The following HIP1R variants were observed in gnomAD, a reference collection of about 807,000 sequenced individuals.
HIP1R encodes the protein huntingtin interacting protein 1 related.
A neutral mutation model predicts 144.2 loss-of-function variants in HIP1R; 135 were observed. That is an observed-to-expected ratio of 0.94 (90% CI 0.81 to 1.08). HIP1R has a LOEUF of 1.08. Ranked by LOEUF, HIP1R falls within the 50% of genes least tolerant of loss-of-function variation. The pLI is 0.00. For missense variants in HIP1R, 1,462 were observed against 1,432.8 expected (o/e 1.02, Z -0.33); for synonymous variants, 698 against 612.8 (o/e 1.14, Z -2.05).
In HIP1R at chr12:122,862,842, A is replaced by C. The variant is rs976407907; in HGVS notation, c.*1089A>C. The C allele has an allele frequency of 6.6e-6, 1 of 152,108 alleles. No homozygotes were observed. The highest frequency in any genetic ancestry group is 6.5e-5 in the Admixed American group (1 of 15,274). 9.4% of individuals were successfully genotyped at this position (152,108 alleles called of 1,614,324 possible). A position where few individuals can be genotyped will look rare whatever the true frequency, so the allele number is the denominator to read the frequency against. ...ACCCTGTGCTCTGGAAAGGCTACCA[A>C]ATACTGGCCAAGGTCAGGAGGAGCA... On this transcript the variant is annotated 3_prime_UTR_variant, in exon 32 of 32. Coordinates refer to ENST00000253083, the MANE Select transcript of HIP1R (RefSeq NM_003959.3).
chr12:122,843,054 T>C (rs1282322985), intron 1 of HIP1R, among the ~76,000 whole-genome samples: 1 of 152,192 alleles, frequency 6.6e-6, no homozygotes, highest in Non-Finnish European at 1.5e-5. Context: ...AGGCCTTCGT[T>C]AACTTGAGAT....
intron 1 of HIP1R, among the ~76,000 whole-genome samples, chr12:122,839,974 G>T (rs1180860531): frequency 6.6e-6 from 1 of 152,250 alleles, no homozygotes; most frequent in African/African-American, 2.4e-5. Context: ...ACATTTACGT[G>T]TATAGGAGTG....
At chr12:122,860,353 C>A in intron 26 of HIP1R, 70 bp from the exon 27 acceptor site, 2 of 1,581,670 alleles carry the variant, frequency 1.3e-6, no homozygotes, top group South Asian at 1.1e-5. Context: ...GGAGAGGGCC[C>A]TTGAGGGCCA....
intron 24 of HIP1R, 66 bp from the exon 25 acceptor site, chr12:122,859,981 G>A: frequency 6.6e-7 from 1 of 1,507,976 alleles, no homozygotes; most frequent in Non-Finnish European, 8.9e-7. Flanking sequence ...ATGTGGCCAG[G>A]CCCGCCATGG....
chr12:122,858,474 TCCC>T, intron 20 of HIP1R, 39 bp downstream of exon 20: 1 of 1,507,402 alleles, frequency 6.6e-7, no homozygotes, highest in Non-Finnish European at 9.0e-7. Flanking sequence ...GGGGGCTGTG[TCCC>T]AGTTCCAGCG....
intron 1 of HIP1R, among the ~76,000 whole-genome samples, chr12:122,844,136 G>A (rs1007218310): frequency 6.6e-6 from 1 of 151,912 alleles, no homozygotes; most frequent in Non-Finnish European, 1.5e-5. Context: ...ACCACACCTG[G>A]CCTATTATTT....
In HIP1R at chr12:122,854,175, T is replaced by C. The variant is rs772489187; in HGVS notation, c.710T>C (p.Leu237Pro). Reference sequence around the variant, plus strand: ...TACACGGTCAAGCTCCTGTTCAAGCTACACTCTTGTGAGTGGCCCAGGGCA... The same window carrying C: ...TACACGGTCAAGCTCCTGTTCAAGCCACACTCTTGTGAGTGGCCCAGGGCA... ...YHYTVKLLFKLHSCLPADTLQ... is the reference protein window; with the variant it reads ...YHYTVKLLFKPHSCLPADTLQ... Residue 237 changes from leucine to proline, a missense_variant, in exon 8 of 32, where the codon CTA becomes CCA. Leu to Pro is a moderately conservative substitution (Grantham distance 98). This residue lies in a region of HIP1R where 350 missense variants were observed against 421.1 expected (regional missense o/e 0.83). Coordinates refer to ENST00000253083, the MANE Select transcript of HIP1R (RefSeq NM_003959.3). The C allele has an allele frequency of 1.7e-5, 28 of 1,613,496 alleles. No individual in the cohort carries two copies. The highest frequency in any genetic ancestry group is 2.4e-5 in the Non-Finnish European group (28 of 1,179,836).
chr12:122,844,476 C>A (rs182289401), intron 1 of HIP1R, among the ~76,000 whole-genome samples: 1 of 152,308 alleles, frequency 6.6e-6, no homozygotes, highest in Non-Finnish European at 1.5e-5. Context: ...TCCCCTGACC[C>A]AGCCAGACAC....
At chr12:122,859,382 G>T (rs1475519756) in intron 22 of HIP1R, 44 bp from the exon 23 acceptor site, 5 of 1,552,376 alleles carry the variant, frequency 3.2e-6, no homozygotes, top group African/African-American at 3.2e-5. Flanking sequence ...CCGTGGGACG[G>T]GGGGGGACGG....
At position 122,835,483 on chromosome 12, in the gene HIP1R, G is replaced by T; in HGVS notation, c.-68G>T. Reference sequence around the variant, plus strand: ...CGGTGGCCTCGCGGTGCCTAGGCTGGGGCTGCCGGACCGTGAGGCTGTGAG... The same window carrying T: ...CGGTGGCCTCGCGGTGCCTAGGCTGTGGCTGCCGGACCGTGAGGCTGTGAG... On this transcript the variant is annotated 5_prime_UTR_variant, in exon 1 of 32. Coordinates refer to ENST00000253083, the MANE Select transcript of HIP1R (RefSeq NM_003959.3). The T allele has an allele frequency of 8.2e-7, 1 of 1,213,126 alleles. No homozygotes were observed. The highest frequency in any genetic ancestry group is 1.0e-6 in the Non-Finnish European group (1 of 971,644). The allele number at this position is 1,213,126 out of a possible 1,614,324, so 75.1% of individuals were successfully genotyped here. A position where few individuals can be genotyped will look rare whatever the true frequency, so the allele number is the denominator to read the frequency against.
chr12:122,848,145 A>G (rs749728728), intron 2 of HIP1R, 51 bp downstream of exon 2: 2 of 1,585,284 alleles, frequency 1.3e-6, no homozygotes, highest in African/African-American at 2.7e-5. Flanking sequence ...ATGTGGGAGC[A>G]GCGTAGTGCT....
Position 122,860,291 on chromosome 12 carries a change from A to G in HIP1R, c.2559+81A>G, listed in dbSNP as rs1257853949. 4 of 1,532,446 alleles carry G rather than the reference A, an allele frequency of 2.6e-6. No homozygotes were observed. The Admixed American group carries it at 5.6e-5, about 22-fold the overall frequency. The allele number at this position is 1,532,446 out of a possible 1,614,324, so 94.9% of individuals were successfully genotyped here. On this transcript the variant is annotated intron_variant, in intron 26 of 31. Coordinates refer to ENST00000253083, the MANE Select transcript of HIP1R (RefSeq NM_003959.3). ...GGCCACCCTGGGCATGAGACCCTCC[A>G]CCCCCTACCACAGGGAGGCCTCAGG... is the stretch of plus-strand genomic sequence containing the variant.
At chr12:122,842,882 G>A (rs936435215) in intron 1 of HIP1R, among the ~76,000 whole-genome samples, 1 of 152,228 alleles carries the variant, frequency 6.6e-6, no homozygotes, top group Non-Finnish European at 1.5e-5. Context: ...GAGTCAGCGG[G>A]CTCTGTCTGG....
intron 31 of HIP1R, 72 bp downstream of exon 31, chr12:122,861,586 G>T (rs2033775627): frequency 7.0e-6 from 11 of 1,568,600 alleles, no homozygotes; most frequent in Non-Finnish European, 7.8e-6. Context: ...GGCACATGGT[G>T]CACGTCCCTG....
At chr12:122,857,270 A>G (rs2135672202) in intron 18 of HIP1R, 55 bp downstream of exon 18, 1 of 1,476,088 alleles carries the variant, frequency 6.8e-7, no homozygotes, top group Non-Finnish European at 9.3e-7. Flanking sequence ...TCTGGCAACC[A>G]TCGATCTGTC....
At chr12:122,850,246 TC>T (rs1445512172) in intron 5 of HIP1R, 2 of 577,030 alleles carry the variant, frequency 3.5e-6, no homozygotes, top group African/African-American at 3.7e-5. Flanking sequence ...GGTGCTCCCC[TC>T]CTCCCAACCC....
At position 122,861,620 on chromosome 12, in the gene HIP1R, C is replaced by A. The variant is rs186688341; in HGVS notation, c.3160-86C>A. On this transcript the variant is annotated intron_variant, in intron 31 of 31. Coordinates refer to ENST00000253083, the MANE Select transcript of HIP1R (RefSeq NM_003959.3). ...TGGGGAAGTCAGGGACCACTGACAA[C>A]ATGCAGGGAGGAGCTTGCTCAAGGG... 86 of 1,582,332 alleles carry A rather than the reference C, an allele frequency of 5.4e-5. No individual in the cohort carries two copies. The East Asian group carries it at 1.1e-3, about 20-fold the overall frequency.
intron 1 of HIP1R, among the ~76,000 whole-genome samples, chr12:122,837,165 G>A (rs1280387720): frequency 1.3e-5 from 2 of 152,146 alleles, no homozygotes; most frequent in Non-Finnish European, 2.9e-5. Context: ...AGGTCTGATT[G>A]CTACATGGAG....
intron 7 of HIP1R, 25 bp downstream of exon 7, chr12:122,851,322 G>T: frequency 6.6e-7 from 1 of 1,515,230 alleles, no homozygotes; most frequent in African/African-American, 1.4e-5. Flanking sequence ...GGGGATGCGG[G>T]GGTCTGAGTG....
Sources: allele counts gnomAD v4.1 joint callset (sites outside exome capture counted in the v4.1 genomes callset), GRCh38; gene constraint gnomAD v4.1.1; regional missense constraint gnomAD v4.1.1; transcripts MANE v1.5; gene names NCBI Gene and HGNC (gene_info 2026-07-23, HGNC 2026-07-21).